The following CASD1 variants were observed in gnomAD, a reference collection of about 807,000 sequenced individuals.
CASD1 encodes the protein N-acetylneuraminate (7)9-O-acetyltransferase.
In CASD1, 41 loss-of-function variants were observed where a neutral mutation model predicts 100.0. That is an observed-to-expected ratio of 0.41 (90% CI 0.32 to 0.53). The LOEUF (loss-of-function observed/expected upper bound fraction) is 0.53, where lower values mean the gene tolerates loss of function less well. Ranked by LOEUF, CASD1 falls within the 20% of genes least tolerant of loss-of-function variation. The pLI is 0.25. For synonymous variants in CASD1, 321 were observed against 315.6 expected (o/e 1.02, Z -0.18); for missense variants, 774 against 948.7 (o/e 0.82, Z 2.42).
the CASD1 span, chr7:94,588,207 T>C: frequency 6.6e-6 from 7 of 1,068,490 alleles, no homozygotes; most frequent in Admixed American, 4.9e-5. Context: ...CTTGTTGTCA[T>C]TGGTCATGTT....
chr7:94,574,894 C>T, the CASD1 span, among the ~76,000 whole-genome samples: 6 of 152,110 alleles, frequency 3.9e-5, no homozygotes, highest in Non-Finnish European at 7.4e-5. Flanking sequence ...GGCATGAACC[C>T]GGGAGGCAGA....
At chr7:94,547,197 T>C in intron 13 of CASD1, 22 bp downstream of exon 13, 1 of 1,491,378 alleles carries the variant, frequency 6.7e-7, no homozygotes, top group Non-Finnish European at 9.0e-7. Context: ...CTTTTCAGTT[T>C]ATATTTTTTC....
intron 13 of CASD1, among the ~76,000 whole-genome samples, chr7:94,547,414 G>GT (rs1250745162): frequency 6.6e-6 from 1 of 151,754 alleles, no homozygotes; most frequent in African/African-American, 2.4e-5. Context: ...TTCAAGATCC[G>GT]TTTTACTTGA....
At chr7:94,623,644 T>A in the CASD1 span, 4 of 493,276 alleles carry the variant, frequency 8.1e-6, no homozygotes, top group South Asian at 1.6e-4. Flanking sequence ...GACTCTTTCA[T>A]AGAAGGCCAT....
At chr7:94,618,699 G>A in the CASD1 span, 3 of 1,408,734 alleles carry the variant, frequency 2.1e-6, no homozygotes, top group Non-Finnish European at 3.0e-6. Context: ...TAATAAGTTT[G>A]ATAAGATCAC....
At chr7:94,587,840 A>C in the CASD1 span, 1 of 1,531,668 alleles carries the variant, frequency 6.5e-7, no homozygotes, top group East Asian at 2.5e-5. Flanking sequence ...AGTAATAGAG[A>C]AGATAATTTC....
At chr7:94,628,276 T>G in the CASD1 span, 1 of 1,611,874 alleles carries the variant, frequency 6.2e-7, no homozygotes, top group Non-Finnish European at 8.5e-7. Context: ...TATGGTGTCC[T>G]TTGGATATAT....
At chr7:94,528,963 T>C (rs1311283938) in intron 5 of CASD1, among the ~76,000 whole-genome samples, 1 of 152,152 alleles carries the variant, frequency 6.6e-6, no homozygotes, top group Non-Finnish European at 1.5e-5. Context: ...TTTTTTTTTC[T>C]TCACAATAAA....
At chr7:94,592,939 TTA>T in the CASD1 span, among the ~76,000 whole-genome samples, 1 of 152,108 alleles carries the variant, frequency 6.6e-6, no homozygotes, top group Admixed American at 6.6e-5. Flanking sequence ...TAAGAAATAG[TTA>T]TATATTTTTG....
At chr7:94,609,000 G>A in the CASD1 span, among the ~76,000 whole-genome samples, 1 of 152,120 alleles carries the variant, frequency 6.6e-6, no homozygotes, top group Non-Finnish European at 1.5e-5. Context: ...GATGACCTTG[G>A]ATTTGATGAT....
At chr7:94,511,470 T>G (rs1793702615) in intron 1 of CASD1, among the ~76,000 whole-genome samples, 1 of 152,242 alleles carries the variant, frequency 6.6e-6, no homozygotes, top group Non-Finnish European at 1.5e-5. Flanking sequence ...ACTAAATTGA[T>G]TTTAAAAATT....
At chr7:94,566,763 A>G in the CASD1 span, among the ~76,000 whole-genome samples, 75 of 152,278 alleles carry the variant, frequency 4.9e-4, 1 homozygote, top group African/African-American at 1.8e-3. Flanking sequence ...AACATTTAAC[A>G]GAGTAAAATT....
chr7:94,592,061 C>T, the CASD1 span, among the ~76,000 whole-genome samples: 1 of 152,136 alleles, frequency 6.6e-6, no homozygotes, highest in South Asian at 2.1e-4. Context: ...TTGGGTACAA[C>T]CTATCTCCTG....
intron 13 of CASD1, among the ~76,000 whole-genome samples, chr7:94,547,763 C>A (rs865857239): frequency 2.6e-5 from 4 of 151,764 alleles, no homozygotes; most frequent in African/African-American, 9.6e-5. Flanking sequence ...ATCAGGCATA[C>A]GTATTATTTG....
intron 6 of CASD1, 125 bp downstream of exon 6, chr7:94,533,374 G>C (rs977829001): frequency 4.5e-6 from 3 of 667,442 alleles, no homozygotes; most frequent in Admixed American, 6.2e-5. Flanking sequence ...CTTCTATTAT[G>C]ATTAGATTGA....
At chr7:94,521,516 A>G (rs1034695425) in intron 3 of CASD1, among the ~76,000 whole-genome samples, 16 of 152,182 alleles carry the variant, frequency 1.1e-4, no homozygotes, top group Non-Finnish European at 1.5e-5. Context: ...GTGTTTTTTT[A>G]AAACTTAAGT....
chr7:94,600,618 A>C, the CASD1 span: 1 of 1,512,706 alleles, frequency 6.6e-7, no homozygotes, highest in South Asian at 1.1e-5. Flanking sequence ...AGGATCTCTA[A>C]TTATCTTATT....
At chr7:94,584,916 A>G in the CASD1 span, 1 of 152,344 alleles carries the variant, frequency 6.6e-6, no homozygotes, top group Non-Finnish European at 1.5e-5. Context: ...TATGAAGTCA[A>G]GTAAGTACGC....
chr7:94,519,217 TA>T (rs1794128992), intron 3 of CASD1, among the ~76,000 whole-genome samples: 1 of 152,172 alleles, frequency 6.6e-6, no homozygotes, highest in African/African-American at 2.4e-5. Context: ...ATTAGTTCAT[TA>T]TTTTTTGGTG....
Sources: gnomAD v4.1 joint callset for allele counts (sites outside exome capture counted in the v4.1 genomes callset) on GRCh38, gnomAD v4.1.1 for gene constraint, MANE v1.5 for transcripts, NCBI Gene and HGNC (gene_info 2026-07-23, HGNC 2026-07-21) for gene names.